The following SLIT3 variants were observed in gnomAD, a reference collection of about 807,000 sequenced individuals.
SLIT3 encodes slit guidance ligand 3.
Under a neutral mutation model 184.0 loss-of-function variants are expected in SLIT3, and 68 were observed. That is an observed-to-expected ratio of 0.37 (90% CI 0.30 to 0.45). The LOEUF (loss-of-function observed/expected upper bound fraction) is 0.45. SLIT3 is among the 20% of genes least tolerant of loss of function. The pLI, the probability that SLIT3 is intolerant of heterozygous loss-of-function variation, is 1.00. For synonymous variants in SLIT3, 831 were observed against 828.6 expected, an observed-to-expected ratio of 1.00 and a Z score of -0.05; for missense variants, 1,707 against 2,026.0, an observed-to-expected ratio of 0.84 and a Z score of 3.02.
intron 4 of SLIT3, among the ~76,000 whole-genome samples, chr5:169,081,098 A>C (rs1175528021): frequency 6.6e-6 from 1 of 152,194 alleles, no homozygotes; most frequent in Non-Finnish European, 1.5e-5. Flanking sequence ...AGGGAAGGAC[A>C]GGAGCCAACT....
chr5:169,094,960 C>T (rs1037528782), intron 4 of SLIT3, among the ~76,000 whole-genome samples: 1 of 152,196 alleles, frequency 6.6e-6, no homozygotes, highest in Admixed American at 6.5e-5. Context: ...CCCACCCCTG[C>T]CTGGGGAGGA....
At chr5:168,671,081 A>T (rs1475185932) in intron 34 of SLIT3, 117 bp downstream of exon 34, 2 of 1,155,784 alleles carry the variant, frequency 1.7e-6, no homozygotes, top group Non-Finnish European at 2.5e-6. Flanking sequence ...CACAGATCCT[A>T]TCTGCGGTCT....
intron 4 of SLIT3, 47 bp downstream of exon 4, chr5:169,193,432 A>C: frequency 1.3e-6 from 2 of 1,535,402 alleles, no homozygotes; most frequent in Non-Finnish European, 1.8e-6. Flanking sequence ...CACATCACCC[A>C]AGCCAGGCAA....
chr5:169,206,751 T>C (rs1332330583), intron 3 of SLIT3, among the ~76,000 whole-genome samples: 1 of 152,228 alleles, frequency 6.6e-6, no homozygotes, highest in East Asian at 1.9e-4. Flanking sequence ...CATTTACATA[T>C]ACAGCAACAA....
At chr5:168,714,360 C>G (rs1762651816) in intron 23 of SLIT3, among the ~76,000 whole-genome samples, 1 of 152,142 alleles carries the variant, frequency 6.6e-6, no homozygotes, top group African/African-American at 2.4e-5. Context: ...TTTAAAACAC[C>G]GAAGGACCCA....
At chr5:168,922,214 T>C (rs1221085039) in intron 4 of SLIT3, among the ~76,000 whole-genome samples, 1 of 151,714 alleles carries the variant, frequency 6.6e-6, no homozygotes, top group African/African-American at 2.4e-5. Context: ...TCCCAGCACT[T>C]TGGGAGGCTG....
chr5:169,155,303 C>T (rs892576268), intron 4 of SLIT3, among the ~76,000 whole-genome samples: 19 of 152,192 alleles, frequency 1.2e-4, no homozygotes, highest in African/African-American at 4.3e-4. Flanking sequence ...AAGACTGTTC[C>T]AACCACCGTC....
intron 4 of SLIT3, among the ~76,000 whole-genome samples, chr5:169,087,803 A>AT (rs918653915): frequency 1.3e-5 from 2 of 152,182 alleles, no homozygotes; most frequent in African/African-American, 4.8e-5. Flanking sequence ...ATCCTAAGTG[A>AT]TTTTTTCCTT....
At chr5:169,070,445 T>C (rs1758504662) in intron 4 of SLIT3, among the ~76,000 whole-genome samples, 1 of 152,172 alleles carries the variant, frequency 6.6e-6, no homozygotes, top group Non-Finnish European at 1.5e-5. Flanking sequence ...TGACTGTATG[T>C]TGCAAAGAGG....
intron 29 of SLIT3, 151 bp downstream of exon 29, chr5:168,692,456 A>C: frequency 1.7e-6 from 1 of 584,014 alleles, no homozygotes. Context: ...AAACAGACTG[A>C]GATAATTAGA....
intron 4 of SLIT3, among the ~76,000 whole-genome samples, chr5:169,120,894 T>C (rs1489125823): frequency 6.6e-6 from 1 of 152,210 alleles, no homozygotes; most frequent in African/African-American, 2.4e-5. Flanking sequence ...CCTAGTGTTT[T>C]GTTCACAGGA....
At chr5:168,751,204 G>A (rs779631500) in intron 18 of SLIT3, among the ~76,000 whole-genome samples, 2 of 152,266 alleles carry the variant, frequency 1.3e-5, no homozygotes, top group Non-Finnish European at 2.9e-5. Flanking sequence ...ACGTGGGGCC[G>A]GCCTTTAGGC....
chr5:169,207,370 T>TACACACACAC (rs56721949), intron 3 of SLIT3, among the ~76,000 whole-genome samples: 28 of 131,896 alleles, frequency 2.1e-4, no homozygotes, highest in African/African-American at 6.3e-4. Context: ...TACACATACA[T>TACACACACAC]ACACACACAC....
chr5:168,939,557 A>T (rs1474758482), intron 4 of SLIT3, among the ~76,000 whole-genome samples: 1 of 152,260 alleles, frequency 6.6e-6, no homozygotes, highest in Non-Finnish European at 1.5e-5. Context: ...CATTGTAAAC[A>T]CATTCAGCAA....
chr5:168,916,990 G>C (rs1430503664), intron 4 of SLIT3, among the ~76,000 whole-genome samples: 4 of 152,112 alleles, frequency 2.6e-5, no homozygotes, highest in Non-Finnish European at 4.4e-5. Context: ...CTCTCCTTCT[G>C]AACAGCTGGG....
At chr5:168,841,055 T>C (rs568940245) in intron 6 of SLIT3, among the ~76,000 whole-genome samples, 129 of 152,240 alleles carry the variant, frequency 8.5e-4, no homozygotes, top group African/African-American at 3.0e-3. Flanking sequence ...GGATTGTGAG[T>C]CATTGCTAGT....
rs143513892 is a variant in SLIT3, at chr5:169,087,461, G to C, written c.413+106018C>G. The stretch of plus-strand genomic sequence containing the variant: ...TTTCTCCTGTTGCTTCAAGAGAAAA[G>C]TGAGGTCAGGACTAAGAATGCACCC... On this transcript the variant is annotated intron_variant, in intron 4 of 35. Transcript: ENST00000519560. Among the ~76,000 whole-genome samples the C allele has an allele frequency of 2.5e-3, 384 of 152,302 alleles. 3 individuals are homozygous for C. Among genetic ancestry groups the C allele is most frequent in the African/African-American group, 9.0e-3 (375 of 41,570 alleles).
At chr5:168,726,205 AATGCATTCATTCATGC>A (rs1485042679) in intron 20 of SLIT3, among the ~76,000 whole-genome samples, 6 of 151,758 alleles carry the variant, frequency 4.0e-5, no homozygotes, top group Admixed American at 1.3e-4. Context: ...AGCCAAGAGA[AATGCATTCATTCATGC>A]ATGCATTCAT....
intron 26 of SLIT3, 139 bp from the exon 27 acceptor site, chr5:168,700,818 T>G (rs1055726136): frequency 9.2e-6 from 6 of 651,400 alleles, no homozygotes; most frequent in African/African-American, 9.0e-5. Flanking sequence ...AAAGGCCTGC[T>G]GTGTGACTTG....
Sources: gnomAD v4.1 joint callset for allele counts (sites outside exome capture counted in the v4.1 genomes callset) on GRCh38, gnomAD v4.1.1 for gene constraint, MANE v1.5 for transcripts, NCBI Gene and HGNC (gene_info 2026-07-23, HGNC 2026-07-21) for gene names.